Variants in FHIT observed in about 807,000 individuals in gnomAD.
The protein encoded by FHIT is fragile histidine triad diadenosine triphosphatase.
Under a neutral mutation model 17.9 loss-of-function variants are expected in FHIT, and 19 were observed. The ratio of observed to expected loss-of-function variants is 1.06; its 90% CI spans 0.74 to 1.56. FHIT has a LOEUF of 1.56. FHIT is among the 40% of genes most tolerant of loss of function. FHIT has a pLI of 0.00. For synonymous variants in FHIT, 81 were observed against 69.7 expected (o/e 1.16, Z -0.81); for missense variants, 248 against 189.2 (o/e 1.31, Z -1.82).
chr3:61,206,893 T>C (rs959882782), intron 1 of FHIT, among the ~76,000 whole-genome samples: 18 of 152,206 alleles, frequency 1.2e-4, no homozygotes, highest in Admixed American at 1.0e-3. Context: ...CCCTGTCTTG[T>C]GCCAGTTTTC....
chr3:60,349,455 G>C lies in FHIT; in HGVS notation c.103+187405C>G, dbSNP rs115799489. On this transcript the variant is annotated intron_variant, in intron 5 of 9. Coordinates refer to ENST00000492590, the MANE Select transcript of FHIT (RefSeq NM_002012.4). ...CAATTTGGATTTCCAGATGTTTTCTGGAATGCTTGCTATTTTGCCTAAAAG... is the reference window on the plus strand; with the variant it reads ...CAATTTGGATTTCCAGATGTTTTCTCGAATGCTTGCTATTTTGCCTAAAAG... Among the ~76,000 whole-genome samples the C allele has an allele frequency of 3.3e-3, 504 of 152,224 alleles. 2 individuals are homozygous for C. The highest frequency in any genetic ancestry group is 0.012 in the African/African-American group (486 of 41,520).
At chr3:60,248,810 C>G (rs2107587075) in intron 5 of FHIT, among the ~76,000 whole-genome samples, 1 of 152,208 alleles carries the variant, frequency 6.6e-6, no homozygotes, top group South Asian at 2.1e-4. Context: ...TGTGACTCAC[C>G]CCTTTTTCTT....
chr3:59,914,100 A>C (rs1381407632), intron 8 of FHIT, among the ~76,000 whole-genome samples: 1 of 152,374 alleles, frequency 6.6e-6, no homozygotes, highest in Non-Finnish European at 1.5e-5. Context: ...AAGTACAAAG[A>C]AACAGGTGAA....
chr3:60,321,008 TGAA>T (rs1709400756), intron 5 of FHIT, among the ~76,000 whole-genome samples: 1 of 152,176 alleles, frequency 6.6e-6, no homozygotes, highest in South Asian at 2.1e-4. Context: ...TTAATGAGAC[TGAA>T]GAAAACAGTA....
At position 60,872,315 on chromosome 3, in the gene FHIT, C is replaced by T. The variant is rs186863893; in HGVS notation, c.-110-50304G>A. On this transcript the variant is annotated intron_variant, in intron 3 of 9. Transcript: ENST00000492590. The stretch of plus-strand genomic sequence containing the variant: ...TTGTAGCAGAAAGTTAATTCCCTAA[C>T]ATAAGTTGTCCAGCTCAGGGCTCTA... Among the ~76,000 whole-genome samples, 366 of 152,258 alleles carry T rather than the reference C, an allele frequency of 2.4e-3. 4 individuals carry two copies. Among genetic ancestry groups the T allele is most frequent in the Admixed American group, 0.021 (318 of 15,278 alleles).
intron 8 of FHIT, 148 bp from the exon 9 acceptor site, chr3:59,752,469 CAAATAGGCTTTAT>C: frequency 1.7e-6 from 1 of 591,010 alleles, no homozygotes; most frequent in South Asian, 2.1e-5. Context: ...CTACAACTTG[CAAATAGGCTTTAT>C]ACAAGAATCC....
chr3:60,317,655 T>C (rs892387221), intron 5 of FHIT, among the ~76,000 whole-genome samples: 4 of 145,622 alleles, frequency 2.7e-5, no homozygotes, highest in Non-Finnish European at 6.0e-5. Flanking sequence ...ATATATATAA[T>C]ATTTTCCCCA....
chr3:61,098,993 A>C (rs931593778), intron 2 of FHIT, among the ~76,000 whole-genome samples: 5 of 152,176 alleles, frequency 3.3e-5, no homozygotes, highest in African/African-American at 1.2e-4. Flanking sequence ...TCGTTGTCTT[A>C]TGCTGATTTT....
chr3:60,645,175 C>T (rs1391977313), intron 4 of FHIT, among the ~76,000 whole-genome samples: 1 of 152,084 alleles, frequency 6.6e-6, no homozygotes, highest in Non-Finnish European at 1.5e-5. Flanking sequence ...CAAAAACAAC[C>T]CCACGTTGGC....
chr3:60,498,689 C>T (rs114149665), intron 5 of FHIT, among the ~76,000 whole-genome samples: 1,969 of 152,252 alleles, frequency 0.013, 36 homozygotes, highest in African/African-American at 0.043. Context: ...GTTGAACAAA[C>T]AGTTAAACAA....
At chr3:60,831,076 C>G (rs2736749) in intron 3 of FHIT, among the ~76,000 whole-genome samples, 149,920 of 152,248 alleles carry the variant, frequency 0.98, 73,856 homozygotes, top group East Asian at 1. Context: ...GTACTAACAA[C>G]CATACCACTT....
At chr3:61,224,474 C>T (rs201648196) in intron 1 of FHIT, among the ~76,000 whole-genome samples, 68 of 152,204 alleles carry the variant, frequency 4.5e-4, no homozygotes, top group East Asian at 2.7e-3. Flanking sequence ...TGGAATGCAA[C>T]GATATGATCT....
intron 2 of FHIT, among the ~76,000 whole-genome samples, chr3:61,137,849 C>A (rs1307821176): frequency 6.6e-6 from 1 of 152,200 alleles, no homozygotes; most frequent in African/African-American, 2.4e-5. Context: ...TCCCCATACC[C>A]ACCTCTCTCC....
chr3:60,115,421 A>G (rs928849115), intron 5 of FHIT, among the ~76,000 whole-genome samples: 1 of 152,184 alleles, frequency 6.6e-6, no homozygotes, highest in Admixed American at 6.5e-5. Flanking sequence ...CAACTTCACT[A>G]TATTCAATTA....
intron 5 of FHIT, among the ~76,000 whole-genome samples, chr3:60,377,204 CT>C (rs34034610): frequency 0.25 from 35,437 of 140,422 alleles, 4,374 homozygotes; most frequent in East Asian, 0.42. Flanking sequence ...AGCCATTAAG[CT>C]TTTTTTTTTT....
chr3:60,514,393 T>A (rs2035067710), intron 5 of FHIT, among the ~76,000 whole-genome samples: 1 of 152,280 alleles, frequency 6.6e-6, no homozygotes, highest in African/African-American at 2.4e-5. Flanking sequence ...GCACGCTCCC[T>A]CCCGTGGGGA....
chr3:60,130,706 C>T (rs984882391), intron 5 of FHIT, among the ~76,000 whole-genome samples: 2 of 150,692 alleles, frequency 1.3e-5, no homozygotes, highest in Non-Finnish European at 3.0e-5. Context: ...ATCAGTAAGC[C>T]CTGGCATATT....
At chr3:60,042,067 T>C (rs1035502582) in intron 5 of FHIT, among the ~76,000 whole-genome samples, 4 of 152,224 alleles carry the variant, frequency 2.6e-5, no homozygotes, top group East Asian at 1.9e-4. Flanking sequence ...AAGGCCCTTT[T>C]GTGCCGGCCT....
At chr3:60,506,558 C>T (rs1408797903) in intron 5 of FHIT, among the ~76,000 whole-genome samples, 1 of 152,184 alleles carries the variant, frequency 6.6e-6, no homozygotes, top group African/African-American at 2.4e-5. Flanking sequence ...GAGGAGTATA[C>T]TACTTTGCTT....
Sources: allele counts gnomAD v4.1 joint callset (sites outside exome capture counted in the v4.1 genomes callset), GRCh38; gene constraint gnomAD v4.1.1; transcripts MANE v1.5; gene names NCBI Gene and HGNC (gene_info 2026-07-23, HGNC 2026-07-21).